The following SLCO1C1 variants were observed in gnomAD, a reference collection of about 807,000 sequenced individuals.
SLCO1C1 encodes the protein solute carrier organic anion transporter family member 1C1.
In SLCO1C1, 70 loss-of-function variants were observed where a neutral mutation model predicts 76.4. The observed-to-expected ratio is 0.92, with a 90% confidence interval of 0.76 to 1.12. The LOEUF (loss-of-function observed/expected upper bound fraction) is 1.12. Ranked by LOEUF, SLCO1C1 falls within the 50% of genes most tolerant of loss-of-function variation. SLCO1C1 has a pLI of 0.00. For synonymous variants in SLCO1C1, 306 were observed against 286.1 expected, an observed-to-expected ratio of 1.07 and a Z score of -0.70; for missense variants, 912 against 823.8, an observed-to-expected ratio of 1.11 and a Z score of -1.31.
chr12:20,747,288 C>A (rs1949090457), intron 13 of SLCO1C1, among the ~76,000 whole-genome samples: 2 of 151,994 alleles, frequency 1.3e-5, no homozygotes, highest in South Asian at 4.1e-4. Flanking sequence ...ATTAGCCTGG[C>A]ATGGTGGTGC....
chr12:20,717,024 C>T lies in SLCO1C1; in HGVS notation c.677-108C>T. On this transcript the variant is annotated intron_variant, in intron 6 of 14. Transcript: ENST00000266509. ...CTAAACACATGCAAATGAGTTAAAACATTTTGAGCTACTGACTGGATCACA... is the reference window on the plus strand; with the variant it reads ...CTAAACACATGCAAATGAGTTAAAATATTTTGAGCTACTGACTGGATCACA... The T allele has an allele frequency of 8.5e-6, 8 of 941,590 alleles. No homozygotes were observed. The South Asian group carries it at 1.2e-4, about 15-fold the overall frequency. The allele number at this position is 941,590 out of a possible 1,614,324, so 58.3% of individuals were successfully genotyped here. A position where few individuals can be genotyped will look rare whatever the true frequency, so the allele number is the denominator to read the frequency against.
At chr12:20,731,009 TG>T (rs1047314957) in intron 9 of SLCO1C1, among the ~76,000 whole-genome samples, 22 of 152,288 alleles carry the variant, frequency 1.4e-4, no homozygotes, top group Non-Finnish European at 2.9e-4. Flanking sequence ...AACACGCCTG[TG>T]GGTAATTAAC....
chr12:20,731,020 C>A (rs977072259), intron 9 of SLCO1C1, among the ~76,000 whole-genome samples: 5 of 152,162 alleles, frequency 3.3e-5, no homozygotes, highest in Admixed American at 1.3e-4. Flanking sequence ...GGGTAATTAA[C>A]CTGGTTGCCC....
rs976552298 is a variant in SLCO1C1, at chr12:20,695,587, G to C, written c.-246G>C. On this transcript the variant is annotated 5_prime_UTR_variant, in exon 1 of 15. Transcript: ENST00000266509. The stretch of plus-strand genomic sequence containing the variant: ...CCAGAAAAAAGAGGCCAGGAAGAAA[G>C]AGGAAAGAGAAGAGATCGCTCAGGG... 3.3e-5 allele frequency: 5 copies of C among 152,178 alleles called. No individual in the cohort carries two copies. The highest frequency in any genetic ancestry group is 7.3e-5 in the Non-Finnish European group (5 of 68,064). The allele number at this position is 152,178 out of a possible 1,614,324, so 9.4% of individuals were successfully genotyped here.
chr12:20,713,205 G>C (rs955614803), intron 5 of SLCO1C1, among the ~76,000 whole-genome samples: 4 of 150,298 alleles, frequency 2.7e-5, no homozygotes, highest in Admixed American at 1.3e-4. Context: ...TCAGCCTCCC[G>C]AGTAGCTGGG....
rs1366527685 is a variant in SLCO1C1, at chr12:20,740,813, ATATATG to A, written c.1733+446_1733+451del. On this transcript the variant is annotated intron_variant, in intron 12 of 14. Coordinates refer to ENST00000266509, the MANE Select transcript of SLCO1C1 (RefSeq NM_017435.5). ...TATATATATATATATATATATATATATATATGGCTTTATCTGTATATTTTTGCCATG... is the reference window on the plus strand; with the variant it reads ...TATATATATATATATATATATATATAGCTTTATCTGTATATTTTTGCCATG... 1.3e-3 allele frequency among the ~76,000 whole-genome samples: 169 copies of A among 132,570 alleles called. 14 individuals carry two copies. The highest frequency in any genetic ancestry group is 2.0e-3 in the East Asian group (9 of 4,402). 87.0% of individuals were successfully genotyped at this position (132,570 alleles called of 152,430 possible). A position where few individuals can be genotyped will look rare whatever the true frequency, so the allele number is the denominator to read the frequency against.
chr12:20,717,288 G>T, intron 7 of SLCO1C1, 58 bp downstream of exon 7: 1 of 1,350,906 alleles, frequency 7.4e-7, no homozygotes, highest in Non-Finnish European at 1.0e-6. Context: ...CATTTTTAAT[G>T]GGAACAGTGT....
At chr12:20,732,578 T>C (rs1948335073) in intron 9 of SLCO1C1, among the ~76,000 whole-genome samples, 1 of 152,200 alleles carries the variant, frequency 6.6e-6, no homozygotes, top group African/African-American at 2.4e-5. Context: ...ATTTTTTATA[T>C]ACAACATTAA....
At chr12:20,720,752 C>T (rs1223796853) in intron 7 of SLCO1C1, among the ~76,000 whole-genome samples, 2 of 152,098 alleles carry the variant, frequency 1.3e-5, no homozygotes, top group Non-Finnish European at 2.9e-5. Context: ...AATCCCAGCA[C>T]TTTGGGAGGC....
chr12:20,729,535 C>T (rs896363074), intron 9 of SLCO1C1, among the ~76,000 whole-genome samples: 1 of 151,656 alleles, frequency 6.6e-6, no homozygotes, highest in African/African-American at 2.4e-5. Flanking sequence ...CCTATGGGCC[C>T]CTGCACAAGG....
At chr12:20,729,472 G>A (rs369273390) in intron 9 of SLCO1C1, among the ~76,000 whole-genome samples, 27 of 152,040 alleles carry the variant, frequency 1.8e-4, no homozygotes, top group Admixed American at 9.2e-4. Flanking sequence ...TGGAGGGTGC[G>A]ATACATAAAC....
Position 20,733,001 on chromosome 12 carries a change from C to G in SLCO1C1, c.1279C>G (p.Leu427Val), listed in dbSNP as rs764022010. 1.1e-5 allele frequency: 18 copies of G among 1,613,672 alleles called. No homozygotes were observed. In the South Asian group the frequency reaches 1.6e-4, roughly 15 times the overall value. Reference protein sequence around the residue: ...FRISVCGAAKLYLGSSVFGYL... With the variant: ...FRISVCGAAKVYLGSSVFGYL... The stretch of plus-strand genomic sequence containing the variant: ...AATCAGTGTGTGTGGAGCTGCAAAA[C>G]TCTACTTGGGATCATCTGTCTTTGG... The change falls in exon 10 of 15, where the codon CTC becomes GTC. Residue 427 changes from leucine to valine, a missense_variant. Physicochemically the swap from Leu to Val is conservative, Grantham distance 32. Coordinates refer to ENST00000266509, the MANE Select transcript of SLCO1C1 (RefSeq NM_017435.5).
chr12:20,723,192 A>C lies in SLCO1C1; in HGVS notation c.1124A>C (p.Tyr375Ser). 1.9e-6 allele frequency: 3 copies of C among 1,614,184 alleles called. No individual in the cohort carries two copies. The highest frequency in any genetic ancestry group is 2.5e-6 in the Non-Finnish European group (3 of 1,180,012). The change falls in exon 9 of 15, where the codon TAC becomes TCC. Residue 375 changes from tyrosine to serine, a missense_variant. By Grantham distance (144) the Tyr-to-Ser change is moderately radical. Transcript: ENST00000266509. ...QFNSLFGMVTYKPKYIEQQYG... is the reference protein window; with the variant it reads ...QFNSLFGMVTSKPKYIEQQYG... ...AATTCTCTGTTCGGCATGGTGACGT[A>C]CAAACCAAAGTACATTGAGCAGCAG... is the stretch of plus-strand genomic sequence containing the variant.
At chr12:20,714,364 G>C (rs1947268182) in intron 5 of SLCO1C1, among the ~76,000 whole-genome samples, 1 of 152,128 alleles carries the variant, frequency 6.6e-6, no homozygotes, top group Non-Finnish European at 1.5e-5. Flanking sequence ...TTTTATTAAA[G>C]CACCTAAACC....
chr12:20,711,444 C>A lies in SLCO1C1; in HGVS notation c.463C>A (p.Leu155Ile), dbSNP rs1395523385. Residue 155 changes from leucine (L) to isoleucine (I), a missense_variant, in exon 5 of 15, where the codon CTC becomes ATC. Physicochemically the swap from Leu to Ile is conservative, Grantham distance 5. Transcript: ENST00000266509. ...TTCCACTCTCAGCATCTCTCCGTGT[C>A]TCCTAGAGTCAAGCAGTCAATTACC... ...SNSTLSISPC[L>I]LESSSQLPVS... The A allele has an allele frequency of 6.2e-7, 1 of 1,613,870 alleles. No individual in the cohort carries two copies. Among genetic ancestry groups the A allele is most frequent in the Admixed American group, 1.7e-5 (1 of 60,010 alleles).
chr12:20,704,213 TGATA>T (rs781379358), intron 3 of SLCO1C1, among the ~76,000 whole-genome samples: 50 of 151,524 alleles, frequency 3.3e-4, no homozygotes, highest in Middle Eastern at 3.4e-3. Context: ...GCAAAAACTT[TGATA>T]GATACAGTAT....
rs1456977155 is a variant in SLCO1C1, at chr12:20,740,384, C to T, written c.1733+16C>T. 9 of 1,589,638 alleles carry T rather than the reference C, an allele frequency of 5.7e-6. No individual in the cohort carries two copies. The highest frequency in any genetic ancestry group is 5.1e-6 in the Non-Finnish European group (6 of 1,170,280). Reference sequence around the variant, plus strand: ...TACTTCTGAGGTGAGTACTGATTCTCCCTATTCTAATTTTAACACAAGACA... The same window carrying T: ...TACTTCTGAGGTGAGTACTGATTCTTCCTATTCTAATTTTAACACAAGACA... On this transcript the variant is annotated intron_variant, in intron 12 of 14. Coordinates refer to ENST00000266509, the MANE Select transcript of SLCO1C1 (RefSeq NM_017435.5).
rs369747009 is a variant in SLCO1C1 at position 20,711,354 on chromosome 12, T to C, written c.405-32T>C. 11 of 1,603,966 alleles carry C rather than the reference T, an allele frequency of 6.9e-6. No individual in the cohort carries two copies. The African/African-American group carries it at 8.1e-5, about 12-fold the overall frequency. On this transcript the variant is annotated intron_variant, in intron 4 of 14. Coordinates refer to ENST00000266509, the MANE Select transcript of SLCO1C1 (RefSeq NM_017435.5). ...ATATTCTTAGTATGATGTTAATGAG[T>C]CTATCATGAAGAAAACATTCCTCTT...
intron 10 of SLCO1C1, among the ~76,000 whole-genome samples, chr12:20,733,665 T>C (rs963977124): frequency 1.8e-4 from 27 of 152,202 alleles, no homozygotes; most frequent in Non-Finnish European, 4.0e-4. Flanking sequence ...GCTTGAATCA[T>C]GTAAAGTTTC....
Sources: gnomAD v4.1 joint callset for allele counts (sites outside exome capture counted in the v4.1 genomes callset) on GRCh38, gnomAD v4.1.1 for gene constraint, MANE v1.5 for transcripts, NCBI Gene and HGNC (gene_info 2026-07-23, HGNC 2026-07-21) for gene names.